Variants in SATB2 observed in about 807,000 individuals in gnomAD.
SATB2 encodes the protein DNA-binding protein SATB2.
Under a neutral mutation model 73.4 loss-of-function variants are expected in SATB2, and 1 was observed. The ratio of observed to expected loss-of-function variants is 0.01; its 90% CI spans 0.00 to 0.06. The LOEUF is 0.06. SATB2 is among the 10% of genes least tolerant of loss of function. The pLI is 1.00. For synonymous variants in SATB2, 397 were observed against 367.0 expected (o/e 1.08, Z -0.93); for missense variants, 459 against 945.8 (o/e 0.49, Z 6.75).
intron 5 of SATB2, among the ~76,000 whole-genome samples, chr2:199,374,514 T>C (rs923267887): frequency 2.0e-5 from 3 of 152,196 alleles, no homozygotes; most frequent in Non-Finnish European, 4.4e-5. Flanking sequence ...GTGAATGTAA[T>C]TAATGCTACT....
chr2:199,324,757 T>C (rs13002186), intron 8 of SATB2, among the ~76,000 whole-genome samples: 24,405 of 152,144 alleles, frequency 0.16, 2,416 homozygotes, highest in East Asian at 0.47. Context: ...TAACATTTAC[T>C]TGGTGTGAGC....
rs1484978925 is a variant in SATB2, at chr2:199,464,048, G to T, written c.-141+788C>A. Among the ~76,000 whole-genome samples the T allele has an allele frequency of 6.6e-6, 1 of 152,196 alleles. No individual in the cohort carries two copies. The highest frequency in any genetic ancestry group is 1.5e-5 in the Non-Finnish European group (1 of 68,026). On this transcript the variant is annotated intron_variant, in intron 1 of 11. Coordinates refer to the SATB2 transcript ENST00000260926. The surrounding 1 kb of genome is among the most constrained non-coding windows in gnomAD (Gnocchi z 6.6). The stretch of plus-strand genomic sequence containing the variant: ...CCTACTGGAGCCAGGGACGAGGGGG[G>T]CAGTGTATCCGGCGGCCCAAACTCG...
chr2:199,386,702 GCGCGCGCGCGCGCGCACA>G (rs1180462263), intron 3 of SATB2, among the ~76,000 whole-genome samples: 1 of 17,086 alleles, frequency 5.9e-5, no homozygotes, highest in African/African-American at 5.4e-4. Flanking sequence ...GCAAGCGCGC[GCGCGCGCGCGCGCGCACA>G]CACACACACA....
At chr2:199,356,252 G>C (rs974034524) in intron 6 of SATB2, among the ~76,000 whole-genome samples, 1 of 128,520 alleles carries the variant, frequency 7.8e-6, no homozygotes, top group Non-Finnish European at 1.6e-5. Context: ...AAAAAAGAAA[G>C]AAAGAAAAGA....
At chr2:199,294,085 A>G (rs1005017887) in intron 10 of SATB2, among the ~76,000 whole-genome samples, 1 of 152,186 alleles carries the variant, frequency 6.6e-6, no homozygotes, top group African/African-American at 2.4e-5. Flanking sequence ...ATTTCTGCCA[A>G]GATGTTTCCG....
At chr2:199,470,050 C>T (rs770424624), upstream of SATB2, 1 of 152,442 alleles carries the variant, frequency 6.6e-6, no homozygotes, top group Non-Finnish European at 1.5e-5. Context: ...CCTTTACCCC[C>T]TTCCTTCACT....
Position 199,289,678 on chromosome 2 carries a change from T to C in SATB2, c.1741-17006A>G, listed in dbSNP as rs549333299. ...AGAACTCAGTACAAAACAAACATAC[T>C]TACAAATGACATTAGCAGGGAATTA... On this transcript the variant is annotated intron_variant, in intron 10 of 10. Coordinates refer to ENST00000417098, the MANE Select transcript of SATB2 (RefSeq NM_001172509.2). 2.2e-3 allele frequency among the ~76,000 whole-genome samples: 341 copies of C among 152,242 alleles called. 3 individuals are homozygous for C. Among genetic ancestry groups the C allele is most frequent in the African/African-American group, 7.8e-3 (325 of 41,536 alleles).
At chr2:199,404,772 T>G (rs149204521) in intron 3 of SATB2, among the ~76,000 whole-genome samples, 12 of 152,326 alleles carry the variant, frequency 7.9e-5, no homozygotes, top group Admixed American at 3.9e-4. Flanking sequence ...TCCAAAGTAT[T>G]ATATCACATT....
In SATB2 at chr2:199,272,316, C is replaced by T; in HGVS notation, c.2097G>A (p.Glu699=). 1.2e-6 allele frequency: 2 copies of T among 1,614,196 alleles called. No individual in the cohort carries two copies. The highest frequency in any genetic ancestry group is 2.2e-5 in the East Asian group (1 of 44,884). The part of the protein sequence containing the change: ...YKDEELLTES[E]ENDSEEGSEE... ...CGGAGCCTTCCTCGCTGTCGTTCTC[C>T]TCTGACTCGGTCAGCAGCTCCTCGT... The change falls in exon 11 of 11, where the codon GAG becomes GAA. Residue 699 remains glutamate (E), a synonymous_variant. Coordinates refer to ENST00000417098, the MANE Select transcript of SATB2 (RefSeq NM_001172509.2). The surrounding 1 kb of genome is among the most constrained non-coding windows in gnomAD (Gnocchi z 6.7).
intron 6 of SATB2, among the ~76,000 whole-genome samples, chr2:199,365,287 T>C (rs1182801982): frequency 6.6e-6 from 1 of 152,000 alleles, no homozygotes; most frequent in Non-Finnish European, 1.5e-5. Flanking sequence ...AATTATGGTA[T>C]GTGATGATCA....
chr2:199,400,435 C>T (rs1282660691), intron 3 of SATB2, among the ~76,000 whole-genome samples: 1 of 152,112 alleles, frequency 6.6e-6, no homozygotes, highest in Non-Finnish European at 1.5e-5. Context: ...AACTATGAGC[C>T]AGGTGGAGTT....
rs1016679385 is a variant in SATB2, at chr2:199,463,752, C to A, written c.-141+1084G>T. ...CGCCCTGGCGCGTGCAAAATACGAACGCCCACAGTTTGTCCCAACCCCTTG... is the reference window on the plus strand; with the variant it reads ...CGCCCTGGCGCGTGCAAAATACGAAAGCCCACAGTTTGTCCCAACCCCTTG... On this transcript the variant is annotated intron_variant, in intron 1 of 11. Coordinates refer to the SATB2 transcript ENST00000260926. This position sits in a 1 kb window ranked among gnomAD's most constrained non-coding sequence, Gnocchi z 6.4. 6.6e-6 allele frequency among the ~76,000 whole-genome samples: 1 copy of A among 152,224 alleles called. No homozygotes were observed. The highest frequency in any genetic ancestry group is 2.4e-5 in the African/African-American group (1 of 41,472).
intron 10 of SATB2, among the ~76,000 whole-genome samples, chr2:199,293,970 C>G (rs1692949501): frequency 2.6e-5 from 4 of 152,036 alleles, no homozygotes; most frequent in Admixed American, 1.3e-4. Context: ...TTTCAACTTT[C>G]TAAATAATCT....
At chr2:199,376,019 C>T (rs550420150) in intron 5 of SATB2, among the ~76,000 whole-genome samples, 9 of 152,256 alleles carry the variant, frequency 5.9e-5, no homozygotes, top group South Asian at 4.2e-4. Flanking sequence ...AAAATAGGCG[C>T]GCTTATCTCC....
chr2:199,374,044 G>A (rs559112035), intron 5 of SATB2, among the ~76,000 whole-genome samples: 2 of 152,040 alleles, frequency 1.3e-5, no homozygotes, highest in Non-Finnish European at 2.9e-5. Context: ...CAATTGTTTT[G>A]GCATGTTGTA....
chr2:199,292,770 G>A (rs1340361662), intron 10 of SATB2, among the ~76,000 whole-genome samples: 2 of 152,128 alleles, frequency 1.3e-5, no homozygotes, highest in Non-Finnish European at 2.9e-5. Flanking sequence ...GAGTGGGGGA[G>A]AACTTTTAAT....
In SATB2 at chr2:199,368,711, A is replaced by C; in HGVS notation, c.598-4T>G. ...TTACAATGGATGAAATCATACTCTG[A>C]AAAAAAAAATTATAGTTATTTTTTC... On this transcript the variant is annotated splice_region_variant and splice_polypyrimidine_tract_variant and intron_variant, in intron 5 of 10. Coordinates refer to ENST00000417098, the MANE Select transcript of SATB2 (RefSeq NM_001172509.2). 1.4e-6 allele frequency: 2 copies of C among 1,460,850 alleles called. No individual in the cohort carries two copies. Among genetic ancestry groups the C allele is most frequent in the Non-Finnish European group, 1.9e-6 (2 of 1,052,050 alleles). 90.5% of individuals were successfully genotyped at this position (1,460,850 alleles called of 1,614,324 possible).
At chr2:199,351,852 T>A (rs551972215) in intron 6 of SATB2, among the ~76,000 whole-genome samples, 1 of 152,288 alleles carries the variant, frequency 6.6e-6, no homozygotes, top group Non-Finnish European at 1.5e-5. Context: ...TAAGGAAATA[T>A]TTTATCTATT....
chr2:199,454,932 T>A (rs975222506), intron 2 of SATB2, among the ~76,000 whole-genome samples: 1 of 152,138 alleles, frequency 6.6e-6, no homozygotes, highest in East Asian at 1.9e-4. Context: ...ACTGTTGAAA[T>A]TATTAGAGAA....
Sources: allele counts gnomAD v4.1 joint callset (sites outside exome capture counted in the v4.1 genomes callset), GRCh38; gene constraint gnomAD v4.1.1; non-coding constraint Gnocchi (gnomAD v3.1); transcripts MANE v1.5; gene names NCBI Gene and HGNC (gene_info 2026-07-23, HGNC 2026-07-21).